DCC: variants seen among roughly 807,000 people sequenced by gnomAD.
The protein encoded by DCC is netrin receptor DCC.
A neutral mutation model predicts 172.5 loss-of-function variants in DCC; 58 were observed. The observed-to-expected ratio is 0.34, with a 90% CI of 0.27 to 0.42. The LOEUF (loss-of-function observed/expected upper bound fraction) is 0.42. Among genes scored for constraint, DCC ranks in the 10% least tolerant of loss-of-function variants. The probability of loss-of-function intolerance (pLI) is 1.00; values close to 1 mark genes in which losing one functional copy is unlikely to be tolerated. For synonymous variants in DCC, 709 were observed against 644.5 expected (o/e 1.10, Z -1.52); for missense variants, 1,740 against 1,791.0 (o/e 0.97, Z 0.51).
intron 15 of DCC, among the ~76,000 whole-genome samples, chr18:53,352,882 C>A (rs2057829202): frequency 6.6e-6 from 1 of 152,110 alleles, no homozygotes; most frequent in African/African-American, 2.4e-5. Context: ...ATCTTACACT[C>A]TTTCTGGACT....
chr18:53,528,550 A>ATATT (rs1167457422), intron 28 of DCC, among the ~76,000 whole-genome samples: 1 of 152,166 alleles, frequency 6.6e-6, no homozygotes, highest in African/African-American at 2.4e-5. Context: ...CCAAATTAAA[A>ATATT]TATTAAACTT....
intron 23 of DCC, among the ~76,000 whole-genome samples, chr18:53,454,124 G>T (rs1051671510): frequency 3.9e-5 from 6 of 152,188 alleles, no homozygotes; most frequent in African/African-American, 1.4e-4. Context: ...AAGACATGAG[G>T]ATGGCTTGAG....
At chr18:52,900,499 T>G (rs893949936) in intron 2 of DCC, among the ~76,000 whole-genome samples, 2 of 152,190 alleles carry the variant, frequency 1.3e-5, no homozygotes, top group Non-Finnish European at 2.9e-5. Context: ...TTAGAATTGT[T>G]GACATCAATA....
chr18:52,397,422 G>A (rs1270659022), intron 1 of DCC, among the ~76,000 whole-genome samples: 1 of 152,032 alleles, frequency 6.6e-6, no homozygotes, highest in South Asian at 2.1e-4. Flanking sequence ...TACCTGGGGA[G>A]CATTCGCTGA....
At chr18:53,294,546 G>A (rs1328871304) in intron 12 of DCC, among the ~76,000 whole-genome samples, 1 of 152,182 alleles carries the variant, frequency 6.6e-6, no homozygotes, top group East Asian at 1.9e-4. Context: ...TATTTTGGAA[G>A]GGAAGTCTGC....
At chr18:53,147,191 C>T (rs1002153540) in intron 7 of DCC, among the ~76,000 whole-genome samples, 1 of 152,106 alleles carries the variant, frequency 6.6e-6, no homozygotes, top group Non-Finnish European at 1.5e-5. Flanking sequence ...TTCTTCACTG[C>T]AGTACATTAA....
At chr18:52,801,883 C>G (rs1445891844) in intron 2 of DCC, among the ~76,000 whole-genome samples, 1 of 152,020 alleles carries the variant, frequency 6.6e-6, no homozygotes, top group Non-Finnish European at 1.5e-5. Flanking sequence ...CTTTTTTTCT[C>G]TATGTGCTTG....
At chr18:52,411,519 G>A (rs2144404069) in intron 1 of DCC, among the ~76,000 whole-genome samples, 3 of 152,250 alleles carry the variant, frequency 2.0e-5, no homozygotes, top group Middle Eastern at 6.8e-3. Context: ...CAGTTACCTG[G>A]ACATTTTCTT....
intron 1 of DCC, among the ~76,000 whole-genome samples, chr18:52,619,673 CTTA>C (rs2034445355): frequency 6.6e-6 from 1 of 152,064 alleles, no homozygotes; most frequent in Non-Finnish European, 1.5e-5. Flanking sequence ...GATTTATGTC[CTTA>C]TTATGTGTAA....
intron 1 of DCC, among the ~76,000 whole-genome samples, chr18:52,392,596 C>A (rs1986070879): frequency 6.6e-6 from 1 of 152,062 alleles, no homozygotes; most frequent in African/African-American, 2.4e-5. Context: ...TATCATTCCT[C>A]ACTAATATCA....
At chr18:52,783,341 T>G (rs1377933302) in intron 2 of DCC, among the ~76,000 whole-genome samples, 1 of 102,074 alleles carries the variant, frequency 9.8e-6, no homozygotes, top group African/African-American at 3.2e-5. Context: ...TTTTTTTTTT[T>G]TTTTTTTTTT....
Position 53,427,017 on chromosome 18 carries a change from A to G in DCC, c.3164-8127A>G, listed in dbSNP as rs567727031. On this transcript the variant is annotated intron_variant, in intron 21 of 28. Coordinates refer to ENST00000442544, the MANE Select transcript of DCC (RefSeq NM_005215.4). ...TTGGCAAATTTGCTCAGGCACAAAC[A>G]TATCTCACACCTGCCTTTAGGATAA... Among the ~76,000 whole-genome samples, 19 of 152,196 alleles carry G rather than the reference A, an allele frequency of 1.2e-4. No individual in the cohort carries two copies. In the South Asian group the frequency reaches 3.9e-3, roughly 32 times the overall value.
chr18:53,305,402 A>G (rs1326061819), intron 12 of DCC, among the ~76,000 whole-genome samples, 176 bp from the exon 13 acceptor site: 1 of 152,262 alleles, frequency 6.6e-6, no homozygotes, highest in East Asian at 1.9e-4. Flanking sequence ...TGTTAAAACC[A>G]GACAAATAAG....
chr18:53,194,879 GTTC>G (rs747095670), intron 9 of DCC, among the ~76,000 whole-genome samples: 6 of 152,114 alleles, frequency 3.9e-5, no homozygotes, highest in Non-Finnish European at 7.3e-5. Context: ...ATCTCTTCAT[GTTC>G]TTCTAACAAT....
chr18:52,985,999 A>T (rs547284876), intron 5 of DCC, among the ~76,000 whole-genome samples: 1 of 152,226 alleles, frequency 6.6e-6, no homozygotes, highest in South Asian at 2.1e-4. Context: ...GGGTTACCTT[A>T]GTTCCTTTGG....
intron 5 of DCC, among the ~76,000 whole-genome samples, chr18:53,054,772 C>T (rs1376346096): frequency 1.3e-5 from 2 of 152,224 alleles, no homozygotes; most frequent in East Asian, 3.9e-4. Flanking sequence ...ATTCCCACAG[C>T]ACATACAGCT....
At chr18:53,400,382 C>A (rs1909224917) in intron 18 of DCC, among the ~76,000 whole-genome samples, 1 of 152,030 alleles carries the variant, frequency 6.6e-6, no homozygotes, top group African/African-American at 2.4e-5. Context: ...CATGGGACAA[C>A]AAGGGGAATG....
At chr18:52,342,908 A>T (rs1374000377) in intron 1 of DCC, among the ~76,000 whole-genome samples, 1 of 152,204 alleles carries the variant, frequency 6.6e-6, no homozygotes, top group African/African-American at 2.4e-5. Context: ...TTGTCCAGAG[A>T]GTCAGGGCCA....
chr18:52,511,223 G>A (rs2031426541), intron 1 of DCC, among the ~76,000 whole-genome samples: 1 of 148,176 alleles, frequency 6.7e-6, no homozygotes, highest in Non-Finnish European at 1.5e-5. Flanking sequence ...AGACATCGCA[G>A]TGAGCTGAGA....
Sources: allele counts gnomAD v4.1 joint callset (sites outside exome capture counted in the v4.1 genomes callset), GRCh38; gene constraint gnomAD v4.1.1; transcripts MANE v1.5; gene names NCBI Gene and HGNC (gene_info 2026-07-23, HGNC 2026-07-21).